PTPN4: variants seen among roughly 807,000 people sequenced by gnomAD.
The protein encoded by PTPN4 is protein tyrosine phosphatase non-receptor type 4.
In PTPN4, 49 loss-of-function variants were observed where a neutral mutation model predicts 135.5. The ratio of observed to expected loss-of-function variants is 0.36; its 90% confidence interval spans 0.29 to 0.46. The LOEUF (loss-of-function observed/expected upper bound fraction) is 0.46. PTPN4 is among the 20% of genes least tolerant of loss of function. The pLI is 1.00. For missense variants in PTPN4, 860 were observed against 1,101.0 expected, an observed-to-expected ratio of 0.78 and a Z score of 3.10; for synonymous variants, 333 against 369.9, an observed-to-expected ratio of 0.90 and a Z score of 1.14.
At chr2:119,921,760 C>T (rs1054383009) in intron 12 of PTPN4, among the ~76,000 whole-genome samples, 1 of 152,028 alleles carries the variant, frequency 6.6e-6, no homozygotes, top group Non-Finnish European at 1.5e-5. Flanking sequence ...GCCTTACCTA[C>T]TGTTAATAAA....
intron 2 of PTPN4, among the ~76,000 whole-genome samples, chr2:119,857,314 T>G (rs905066320): frequency 2.6e-5 from 4 of 152,172 alleles, no homozygotes; most frequent in Non-Finnish European, 4.4e-5. Flanking sequence ...GCGGATTGCC[T>G]GAGGTCAGGA....
chr2:119,871,516 A>C (rs1168743061), intron 3 of PTPN4, among the ~76,000 whole-genome samples: 1 of 152,058 alleles, frequency 6.6e-6, no homozygotes, highest in Non-Finnish European at 1.5e-5. Flanking sequence ...ATAGTGCACT[A>C]TGCTGATTGG....
intron 1 of PTPN4, among the ~76,000 whole-genome samples, chr2:119,792,571 T>G (rs938924725): frequency 5.3e-5 from 8 of 152,206 alleles, no homozygotes; most frequent in African/African-American, 1.9e-4. Flanking sequence ...CTGAAAGAAA[T>G]AAGCTACATT....
chr2:119,872,224 A>G (rs1427623531), intron 3 of PTPN4, among the ~76,000 whole-genome samples: 1 of 152,054 alleles, frequency 6.6e-6, no homozygotes, highest in African/African-American at 2.4e-5. Context: ...ACTAAACCCT[A>G]TGTTTTTTAC....
intron 25 of PTPN4, among the ~76,000 whole-genome samples, chr2:119,967,316 G>A (rs1334082045): frequency 6.6e-6 from 1 of 152,088 alleles, no homozygotes. Context: ...AGGTGTGGTG[G>A]TGCACGTCTG....
intron 2 of PTPN4, among the ~76,000 whole-genome samples, chr2:119,842,894 C>T (rs1030114512): frequency 1.3e-5 from 2 of 152,016 alleles, no homozygotes; most frequent in African/African-American, 4.8e-5. Flanking sequence ...GGATGTGTTA[C>T]TTTTTACATG....
intron 2 of PTPN4, among the ~76,000 whole-genome samples, chr2:119,842,417 T>A (rs748825757): frequency 6.6e-6 from 1 of 152,170 alleles, no homozygotes; most frequent in East Asian, 1.9e-4. Flanking sequence ...GTTGTAAGCA[T>A]ATAAAAGTAG....
intron 2 of PTPN4, among the ~76,000 whole-genome samples, chr2:119,850,223 C>T (rs1030428809): frequency 6.6e-6 from 1 of 152,202 alleles, no homozygotes; most frequent in East Asian, 1.9e-4. Context: ...TGCCCTGGAG[C>T]TGGGGTGGGG....
At chr2:119,828,828 A>G (rs1388172940) in intron 2 of PTPN4, among the ~76,000 whole-genome samples, 3 of 152,230 alleles carry the variant, frequency 2.0e-5, no homozygotes, top group Non-Finnish European at 4.4e-5. Flanking sequence ...TTTTTTACAT[A>G]AGTAGAAGGC....
At chr2:119,786,035 T>C (rs536981852) in intron 1 of PTPN4, among the ~76,000 whole-genome samples, 80 of 152,292 alleles carry the variant, frequency 5.3e-4, no homozygotes, top group South Asian at 1.2e-3. Flanking sequence ...CACCTTTCTT[T>C]CCTTACTATT....
intron 10 of PTPN4, among the ~76,000 whole-genome samples, chr2:119,908,537 T>A (rs190652944): frequency 2.4e-4 from 37 of 152,272 alleles, no homozygotes; most frequent in Admixed American, 2.3e-3. Context: ...TGATAGATAT[T>A]GTATTGTTTG....
chr2:119,854,735 A>G (rs1221153068), intron 2 of PTPN4, among the ~76,000 whole-genome samples: 2 of 152,240 alleles, frequency 1.3e-5, no homozygotes, highest in Non-Finnish European at 2.9e-5. Context: ...GGGGCTTAAT[A>G]AAAGAGCTAA....
intron 8 of PTPN4, among the ~76,000 whole-genome samples, chr2:119,885,367 A>G (rs1009022748): frequency 2.6e-5 from 4 of 152,182 alleles, no homozygotes; most frequent in Non-Finnish European, 4.4e-5. Flanking sequence ...CTGTGAATCA[A>G]CCTCTGTCTG....
At chr2:119,830,935 A>AT (rs1677210830) in intron 2 of PTPN4, among the ~76,000 whole-genome samples, 1 of 152,150 alleles carries the variant, frequency 6.6e-6, no homozygotes, top group African/African-American at 2.4e-5. Context: ...TTCTTTATAG[A>AT]TTACCCAGTC....
At chr2:119,913,901 T>C (rs1678609859) in intron 10 of PTPN4, among the ~76,000 whole-genome samples, 1 of 152,068 alleles carries the variant, frequency 6.6e-6, no homozygotes. Context: ...ATAAAATAGA[T>C]ACTGTTTGAA....
chr2:119,761,384 TTAAAA>T (rs1402107485), intron 1 of PTPN4, among the ~76,000 whole-genome samples: 8 of 152,206 alleles, frequency 5.3e-5, no homozygotes, highest in African/African-American at 1.7e-4. Flanking sequence ...GGAGATGGCC[TTAAAA>T]TAAAGGATTG....
intron 12 of PTPN4, among the ~76,000 whole-genome samples, chr2:119,924,904 G>C (rs562318109): frequency 8.5e-5 from 13 of 152,178 alleles, no homozygotes. Context: ...ATGGTTGTTG[G>C]AAATGCTGGG....
At chr2:119,858,807 T>C (rs1483890850) in intron 2 of PTPN4, among the ~76,000 whole-genome samples, 1 of 151,962 alleles carries the variant, frequency 6.6e-6, no homozygotes, top group Non-Finnish European at 1.5e-5. Flanking sequence ...TAATTTTTTA[T>C]ATTTTTTTAG....
intron 10 of PTPN4, among the ~76,000 whole-genome samples, chr2:119,910,753 A>G (rs1371099136): frequency 1.3e-5 from 2 of 152,108 alleles, no homozygotes; most frequent in East Asian, 3.9e-4. Flanking sequence ...TTGTGAATAA[A>G]GTACCTTGCT....
Sources: gnomAD v4.1 joint callset for allele counts (sites outside exome capture counted in the v4.1 genomes callset) on GRCh38, gnomAD v4.1.1 for gene constraint, MANE v1.5 for transcripts, NCBI Gene and HGNC (gene_info 2026-07-23, HGNC 2026-07-21) for gene names.